ACTR10: variants seen among roughly 807,000 people sequenced by gnomAD.
The protein encoded by ACTR10 is actin-related protein 10.
A neutral mutation model predicts 56.2 loss-of-function variants in ACTR10; 43 were observed. That is an observed-to-expected ratio of 0.77 (90% CI 0.60 to 0.99). The LOEUF is 0.99. Ranked by LOEUF, ACTR10 falls within the 50% of genes least tolerant of loss-of-function variation. ACTR10 has a pLI of 0.00. For synonymous variants in ACTR10, 170 were observed against 176.3 expected (o/e 0.96, Z 0.28); for missense variants, 466 against 507.8 (o/e 0.92, Z 0.79).
At chr14:58,209,753 C>G (rs1296741660) in intron 4 of ACTR10, among the ~76,000 whole-genome samples, 1 of 152,028 alleles carries the variant, frequency 6.6e-6, no homozygotes, top group Non-Finnish European at 1.5e-5. Flanking sequence ...CTTAATTATT[C>G]AAATTTTTAA....
intron 1 of ACTR10, among the ~76,000 whole-genome samples, chr14:58,201,892 C>T (rs916175761): frequency 7.9e-5 from 12 of 151,156 alleles, no homozygotes; most frequent in African/African-American, 2.7e-4. Flanking sequence ...AATCCTAGCA[C>T]TTTGGGAGGC....
Position 58,232,208 on chromosome 14 carries a change from C to T in ACTR10, c.1013C>T (p.Thr338Ile). 1 of 1,613,702 alleles carries T rather than the reference C, an allele frequency of 6.2e-7. No homozygotes were observed. Among genetic ancestry groups the T allele is most frequent in the Non-Finnish European group, 8.5e-7 (1 of 1,179,890 alleles). The change falls in exon 12 of 13, where the codon ACT becomes ATT. Residue 338 changes from threonine to isoleucine, a missense_variant. Transcript: ENST00000254286. The stretch of plus-strand genomic sequence containing the variant: ...CCAAAATATAAAAAAGCACTTGGCA[C>T]TAAGACATTTCGAATTCATACTCCA... The part of the protein sequence containing the change: ...EKPKYKKALG[T>I]KTFRIHTPPA...
intron 4 of ACTR10, among the ~76,000 whole-genome samples, chr14:58,209,914 A>T (rs1024296131): frequency 6.6e-6 from 1 of 152,178 alleles, no homozygotes; most frequent in African/African-American, 2.4e-5. Context: ...CAATGTCTTT[A>T]TGAGGTAAAG....
At chr14:58,202,091 G>GATT (rs1888723136) in intron 1 of ACTR10, among the ~76,000 whole-genome samples, 2 of 151,796 alleles carry the variant, frequency 1.3e-5, no homozygotes, top group African/African-American at 4.8e-5. Flanking sequence ...TATGAAGTGT[G>GATT]ATTAAAACTA....
intron 4 of ACTR10, among the ~76,000 whole-genome samples, chr14:58,210,233 G>T (rs138811563): frequency 2.6e-5 from 4 of 152,228 alleles, no homozygotes; most frequent in African/African-American, 9.6e-5. Flanking sequence ...TGAATATCTA[G>T]TATTTGAGAT....
chr14:58,212,270 A>G (rs1334240961), intron 5 of ACTR10, among the ~76,000 whole-genome samples: 1 of 152,224 alleles, frequency 6.6e-6, no homozygotes, highest in Non-Finnish European at 1.5e-5. Flanking sequence ...TGTGGTTTTT[A>G]TATCATTGAC....
chr14:58,231,779 C>G (rs951538606), intron 11 of ACTR10, among the ~76,000 whole-genome samples: 2 of 152,160 alleles, frequency 1.3e-5, no homozygotes, highest in African/African-American at 4.8e-5. Flanking sequence ...TGAGAACACT[C>G]ACATATGCCC....
chr14:58,202,930 A>G lies in ACTR10; in HGVS notation c.150+3A>G. ...TAAAAAGAGCTGGGATGCCTAAGGT[A>G]TTTAAAAAAAAATATTAGCAAAATA... On this transcript the variant is annotated splice_donor_region_variant and intron_variant, in intron 2 of 12. Coordinates refer to ENST00000254286, the MANE Select transcript of ACTR10 (RefSeq NM_018477.3). The G allele has an allele frequency of 6.6e-7, 1 of 1,516,654 alleles. No individual in the cohort carries two copies. Among genetic ancestry groups the G allele is most frequent in the Non-Finnish European group, 9.0e-7 (1 of 1,111,460 alleles). 93.9% of individuals were successfully genotyped at this position (1,516,654 alleles called of 1,614,324 possible). A position where few individuals can be genotyped will look rare whatever the true frequency, so the allele number is the denominator to read the frequency against.
intron 6 of ACTR10, among the ~76,000 whole-genome samples, chr14:58,214,648 G>A (rs1594807726): frequency 6.6e-6 from 1 of 151,182 alleles, no homozygotes; most frequent in Non-Finnish European, 1.5e-5. Context: ...GCGCCGCCAC[G>A]CCTGGCTAAT....
At position 58,222,764 on chromosome 14, in the gene ACTR10, G is replaced by GA. The variant is rs58412717; in HGVS notation, c.635-835dup. On this transcript the variant is annotated intron_variant, in intron 8 of 12. Transcript: ENST00000254286. ...TGGGCAATAGAGTGAGACTCTGTCAGAAAAAAAAAAAAAAAAAAAAAAATT... is the reference window on the plus strand; with the variant it reads ...TGGGCAATAGAGTGAGACTCTGTCAGAAAAAAAAAAAAAAAAAAAAAAAATT... Among the ~76,000 whole-genome samples, 121 of 76,258 alleles carry GA rather than the reference G, an allele frequency of 1.6e-3. No homozygotes were observed. In the Middle Eastern group the frequency reaches 0.02, roughly 12 times the overall value. The allele number at this position is 76,258 out of a possible 152,430, so 50.0% of individuals were successfully genotyped here.
intron 7 of ACTR10, among the ~76,000 whole-genome samples, chr14:58,217,486 G>C (rs911672155): frequency 4.0e-5 from 6 of 151,870 alleles, no homozygotes; most frequent in African/African-American, 1.2e-4. Context: ...TGACCAATAT[G>C]GTGAAACCCT....
intron 1 of ACTR10, among the ~76,000 whole-genome samples, chr14:58,201,119 ATC>A (rs1202561876): frequency 2.0e-5 from 3 of 152,348 alleles, no homozygotes; most frequent in African/African-American, 7.2e-5. Flanking sequence ...ATCTTTTTAT[ATC>A]TCTAGGCACT....
intron 2 of ACTR10, among the ~76,000 whole-genome samples, chr14:58,203,284 A>C (rs113112631): frequency 0.023 from 3,502 of 149,218 alleles, 135 homozygotes; most frequent in African/African-American, 0.082. Flanking sequence ...CCTGGGGGGC[A>C]AGAGCAAGAC....
At chr14:58,211,208 TCAAA>T in intron 4 of ACTR10, 80 bp from the exon 5 acceptor site, 1 of 993,782 alleles carries the variant, frequency 1.0e-6, no homozygotes, top group Non-Finnish European at 1.6e-6. Context: ...GTGAATTTTT[TCAAA>T]TATATTTGGA....
At chr14:58,218,899 T>A (rs945646484) in intron 7 of ACTR10, among the ~76,000 whole-genome samples, 6 of 152,160 alleles carry the variant, frequency 3.9e-5, no homozygotes, top group African/African-American at 1.4e-4. Flanking sequence ...GATCTTGGCT[T>A]ACCCCAAACT....
At position 58,234,717 on chromosome 14, in the gene ACTR10, T is replaced by C. The variant is rs1436877611; in HGVS notation, c.*166T>C. The C allele has an allele frequency of 1.8e-6, 1 of 549,404 alleles. No individual in the cohort carries two copies. The highest frequency in any genetic ancestry group is 1.9e-5 in the African/African-American group (1 of 51,924). 34.0% of individuals were successfully genotyped at this position (549,404 alleles called of 1,614,324 possible). A position where few individuals can be genotyped will look rare whatever the true frequency, so the allele number is the denominator to read the frequency against. ...TATAATTCTTTTGACTTTGTTTCTC[T>C]TGTGTAGTGGTAAAATGGTAGCTGG... On this transcript the variant is annotated 3_prime_UTR_variant, in exon 13 of 13. Coordinates refer to ENST00000254286, the MANE Select transcript of ACTR10 (RefSeq NM_018477.3).
At chr14:58,216,270 G>A (rs963416969) in intron 7 of ACTR10, among the ~76,000 whole-genome samples, 1 of 152,010 alleles carries the variant, frequency 6.6e-6, no homozygotes, top group South Asian at 2.1e-4. Context: ...GACTACAGGC[G>A]CAAGCCACCA....
chr14:58,226,731 G>C (rs1238158740), intron 10 of ACTR10, among the ~76,000 whole-genome samples: 1 of 152,072 alleles, frequency 6.6e-6, no homozygotes, highest in Non-Finnish European at 1.5e-5. Context: ...CTCCCAAGTA[G>C]CTGGGATTAC....
At chr14:58,232,573 G>A (rs1004306409) in intron 12 of ACTR10, among the ~76,000 whole-genome samples, 30 of 151,642 alleles carry the variant, frequency 2.0e-4, no homozygotes, top group African/African-American at 6.5e-4. Flanking sequence ...GCACCACCAC[G>A]CCCAGCTAAT....
Sources: allele counts gnomAD v4.1 joint callset (sites outside exome capture counted in the v4.1 genomes callset), GRCh38; gene constraint gnomAD v4.1.1; transcripts MANE v1.5; gene names NCBI Gene and HGNC (gene_info 2026-07-23, HGNC 2026-07-21).